Variants in CSDE1 observed in about 807,000 individuals in gnomAD.
The protein encoded by CSDE1 is cold shock domain containing E1.
In CSDE1, 17 loss-of-function variants were observed where a neutral mutation model predicts 89.3. The observed-to-expected ratio is 0.19, with a 90% confidence interval of 0.13 to 0.29. CSDE1 has a LOEUF of 0.29. CSDE1 is among the 10% of genes least tolerant of loss of function. CSDE1 has a pLI of 1.00. For missense variants in CSDE1, 672 were observed against 984.2 expected, an observed-to-expected ratio of 0.68 and a Z score of 4.24; for synonymous variants, 322 against 332.8, an observed-to-expected ratio of 0.97 and a Z score of 0.35.
intron 16 of CSDE1, among the ~76,000 whole-genome samples, chr1:114,721,128 G>C (rs980885069): frequency 6.6e-6 from 1 of 152,146 alleles, no homozygotes; most frequent in Non-Finnish European, 1.5e-5. Context: ...AAACAACTAG[G>C]CGGGCACAGG....
chr1:114,739,094 G>C (rs1660576809), intron 3 of CSDE1, among the ~76,000 whole-genome samples: 1 of 151,826 alleles, frequency 6.6e-6, no homozygotes, highest in Non-Finnish European at 1.5e-5. Flanking sequence ...TGCAGTGGTG[G>C]CATCTTGGCT....
chr1:114,718,141 G>T lies in CSDE1; in HGVS notation c.*28C>A, dbSNP rs1801909. The T allele has an allele frequency of 1.2e-6, 2 of 1,613,150 alleles. No homozygotes were observed. Among genetic ancestry groups the T allele is most frequent in the Non-Finnish European group, 1.7e-6 (2 of 1,179,296 alleles). On this transcript the variant is annotated 3_prime_UTR_variant, in exon 20 of 20. Coordinates refer to ENST00000358528, the MANE Select transcript of CSDE1 (RefSeq NM_001007553.3). The stretch of plus-strand genomic sequence containing the variant: ...AGATTCCCCCCAACTTGATCATAGT[G>T]GATTAATGGTGTGCTTTGTGGATGT...
At chr1:114,743,459 T>C (rs1011522040) in intron 2 of CSDE1, among the ~76,000 whole-genome samples, 1 of 152,192 alleles carries the variant, frequency 6.6e-6, no homozygotes, top group African/African-American at 2.4e-5. Flanking sequence ...CGCCCTGGCC[T>C]CCCAAAGTGA....
intron 1 of CSDE1, among the ~76,000 whole-genome samples, chr1:114,757,054 A>G (rs1661637909): frequency 6.6e-6 from 1 of 152,182 alleles, no homozygotes; most frequent in African/African-American, 2.4e-5. Flanking sequence ...CACCATGAGA[A>G]CTACAGGAGG....
intron 1 of CSDE1, among the ~76,000 whole-genome samples, chr1:114,755,203 C>A (rs140884658): frequency 3.8e-4 from 58 of 152,320 alleles, no homozygotes; most frequent in African/African-American, 1.4e-3. Context: ...CCACACGTGG[C>A]TGGCGGCTAC....
At chr1:114,733,114 G>C (rs1660194073) in intron 9 of CSDE1, among the ~76,000 whole-genome samples, 1 of 152,192 alleles carries the variant, frequency 6.6e-6, no homozygotes, top group African/African-American at 2.4e-5. Context: ...AACTGGAGGG[G>C]TAGGGCAGGG....
chr1:114,737,983 C>T lies in CSDE1; in HGVS notation c.289G>A (p.Glu97Lys). The T allele has an allele frequency of 6.2e-7, 1 of 1,613,244 alleles. No homozygotes were observed. Among genetic ancestry groups the T allele is most frequent in the Non-Finnish European group, 8.5e-7 (1 of 1,179,216 alleles). Reference sequence around the variant, plus strand: ...CTAACTTGTCCATTCATTCGTTCTTCAGGGAGGATTTCTTGTTTTATCTTC... The same window carrying T: ...CTAACTTGTCCATTCATTCGTTCTTTAGGGAGGATTTCTTGTTTTATCTTC... ...LVKIKQEILP[E>K]ERMNGQVVCA... is the part of the protein sequence containing the mutation. Residue 97 changes from glutamate (E) to lysine (K), a missense_variant, in exon 4 of 20, where the codon GAA becomes AAA. Physicochemically the swap from Glu to Lys is moderately conservative, Grantham distance 56. This residue lies in a region of CSDE1 where 124 missense variants were observed against 138.7 expected (regional missense o/e 0.89). Transcript: ENST00000358528.
chr1:114,737,512 C>A lies in CSDE1; in HGVS notation c.361G>T (p.Gly121Cys). The A allele has an allele frequency of 6.2e-7, 1 of 1,614,026 alleles. No homozygotes were observed. The highest frequency in any genetic ancestry group is 8.5e-7 in the Non-Finnish European group (1 of 1,180,002). Residue 121 changes from glycine (G) to cysteine (C), a missense_variant, in exon 5 of 20, where the codon GGT becomes TGT. Physicochemically the swap from Gly to Cys is radical, Grantham distance 159. Coordinates refer to ENST00000358528, the MANE Select transcript of CSDE1 (RefSeq NM_001007553.3). ...CATACACTCCCTGTTGGACTCTGACCCGGGGCAGCTGGAGATTTACTCTCT... is the reference window on the plus strand; with the variant it reads ...CATACACTCCCTGTTGGACTCTGACACGGGGCAGCTGGAGATTTACTCTCT... ...NLESKSPAAP[G>C]QSPTGSVCYE...
intron 13 of CSDE1, 30 bp downstream of exon 13, chr1:114,726,953 C>CGT: frequency 7.0e-7 from 1 of 1,418,520 alleles, no homozygotes; most frequent in Non-Finnish European, 1.0e-6. Context: ...CAACTCTTAA[C>CGT]CCTCTCTCGA....
chr1:114,739,631 A>G (rs1373139560), intron 3 of CSDE1, 61 bp downstream of exon 3: 81 of 1,440,340 alleles, frequency 5.6e-5, no homozygotes, highest in Non-Finnish European at 7.6e-5. Flanking sequence ...ACTCATGAAC[A>G]AATTGATATG....
At chr1:114,722,418 A>G (rs887062634) in intron 16 of CSDE1, among the ~76,000 whole-genome samples, 1 of 152,346 alleles carries the variant, frequency 6.6e-6, no homozygotes, top group East Asian at 1.9e-4. Flanking sequence ...TATTTGTCCA[A>G]GATTATATGC....
intron 16 of CSDE1, among the ~76,000 whole-genome samples, chr1:114,722,012 G>A (rs747915260): frequency 2.6e-5 from 4 of 151,860 alleles, no homozygotes; most frequent in Non-Finnish European, 5.9e-5. Flanking sequence ...CTCTGAAGTA[G>A]CTGGGATTAT....
chr1:114,741,985 G>A (rs1660751445), intron 2 of CSDE1, among the ~76,000 whole-genome samples: 1 of 151,940 alleles, frequency 6.6e-6, no homozygotes, highest in South Asian at 2.1e-4. Context: ...TTAGTCACTA[G>A]TCTCCCTAGA....
At chr1:114,745,014 T>TGAATTTTTGCAATAAAAAATCCA (rs1553249126) in intron 2 of CSDE1, among the ~76,000 whole-genome samples, 14 of 151,874 alleles carry the variant, frequency 9.2e-5, no homozygotes, top group African/African-American at 3.4e-4. Context: ...AAAAAAAACT[T>TGAATTTTTGCAATAAAAAATCCA]GAATTTTTGC....
At chr1:114,751,521 AACTC>A (rs1335273106) in intron 1 of CSDE1, among the ~76,000 whole-genome samples, 2 of 152,150 alleles carry the variant, frequency 1.3e-5, no homozygotes, top group African/African-American at 4.8e-5. Flanking sequence ...GTAAAATAAA[AACTC>A]AATAACAGCT....
At chr1:114,723,752 G>C (rs536373919) in intron 16 of CSDE1, 131 bp downstream of exon 16, 6 of 1,264,046 alleles carry the variant, frequency 4.7e-6, no homozygotes, top group South Asian at 3.8e-5. Context: ...GCAAGCATGA[G>C]AGAGGTCACT....
chr1:114,717,162 G>C lies in CSDE1; in HGVS notation c.*1007C>G, dbSNP rs1370005467. ...ACCCTGTATATGGCCAATTCAAGAA[G>C]AGGGCCAAGAAATCAGACCCATCCA... is the stretch of plus-strand genomic sequence containing the variant. On this transcript the variant is annotated 3_prime_UTR_variant, in exon 20 of 20. Coordinates refer to ENST00000358528, the MANE Select transcript of CSDE1 (RefSeq NM_001007553.3). The C allele has an allele frequency of 1.3e-5, 2 of 152,516 alleles. No individual in the cohort carries two copies. The highest frequency in any genetic ancestry group is 4.8e-5 in the African/African-American group (2 of 41,406). The allele number at this position is 152,516 out of a possible 1,614,324, so 9.4% of individuals were successfully genotyped here. A position where few individuals can be genotyped will look rare whatever the true frequency, so the allele number is the denominator to read the frequency against.
chr1:114,727,835 T>G (rs942897040), intron 12 of CSDE1: 1 of 152,120 alleles, frequency 6.6e-6, no homozygotes, highest in African/African-American at 2.4e-5. Flanking sequence ...AATAAAAGTC[T>G]AAGAAAGTTC....
chr1:114,754,655 A>G (rs1181187945), intron 1 of CSDE1, among the ~76,000 whole-genome samples: 1 of 152,238 alleles, frequency 6.6e-6, no homozygotes, highest in African/African-American at 2.4e-5. Context: ...GAAGTGCTTA[A>G]TAGGTCTTAA....
Sources: gnomAD v4.1 joint callset for allele counts (sites outside exome capture counted in the v4.1 genomes callset) on GRCh38, gnomAD v4.1.1 for gene constraint, gnomAD v4.1.1 regional missense constraint, MANE v1.5 for transcripts, NCBI Gene and HGNC (gene_info 2026-07-23, HGNC 2026-07-21) for gene names.